The following SNCAIP variants were observed in gnomAD, a reference collection of about 807,000 sequenced individuals.
SNCAIP encodes the protein synphilin-1.
A neutral mutation model predicts 86.7 loss-of-function variants in SNCAIP; 43 were observed. The observed-to-expected ratio is 0.50, with a 90% CI of 0.39 to 0.64. The LOEUF is 0.64. SNCAIP is among the 30% of genes least tolerant of loss of function. SNCAIP has a pLI of 0.00. For missense variants in SNCAIP, 981 were observed against 1,103.1 expected, an observed-to-expected ratio of 0.89 and a Z score of 1.57; for synonymous variants, 417 against 427.2, an observed-to-expected ratio of 0.98 and a Z score of 0.29.
chr5:122,403,859 A>G lies in SNCAIP; in HGVS notation c.124A>G (p.Arg42Gly). 2 of 1,613,180 alleles carry G rather than the reference A, an allele frequency of 1.2e-6. No homozygotes were observed. The highest frequency in any genetic ancestry group is 1.7e-6 in the Non-Finnish European group (2 of 1,179,138). ...AAGATGTGATACGCAAAACGAAGAC[A>G]GATCAGGTAGGTTTTGCTCCTCCCC... Reference protein sequence around the residue: ...CRRCDTQNEDRSVSSSSWNCG... With the variant: ...CRRCDTQNEDGSVSSSSWNCG... Residue 42 changes from arginine to glycine, a missense_variant, in exon 3 of 11, where the codon AGA becomes GGA. Coordinates refer to ENST00000261368, the MANE Select transcript of SNCAIP (RefSeq NM_005460.4).
intron 1 of SNCAIP, among the ~76,000 whole-genome samples, chr5:122,383,218 G>C (rs545087013): frequency 1.0e-3 from 153 of 152,334 alleles, no homozygotes; most frequent in South Asian, 2.1e-3. Flanking sequence ...GACCCTCCGA[G>C]CCAGGTGCGG....
intron 1 of SNCAIP, among the ~76,000 whole-genome samples, chr5:122,364,683 C>T (rs1762809070): frequency 6.6e-6 from 1 of 152,124 alleles, no homozygotes; most frequent in African/African-American, 2.4e-5. Flanking sequence ...CAATTTGAGG[C>T]CAAGTTGCTT....
At position 122,451,201 on chromosome 5, in the gene SNCAIP, G is replaced by T; in HGVS notation, c.2354G>T (p.Ser785Ile). The T allele has an allele frequency of 6.2e-7, 1 of 1,614,142 alleles. No homozygotes were observed. The highest frequency in any genetic ancestry group is 2.2e-5 in the East Asian group (1 of 44,876). Residue 785 changes from serine to isoleucine, a missense_variant, in exon 10 of 11, where the codon AGT becomes ATT. By Grantham distance (142) the Ser-to-Ile change is moderately radical. Coordinates refer to ENST00000261368, the MANE Select transcript of SNCAIP (RefSeq NM_005460.4). ...GACCCTCAGCAGCCCAGCCCTGACA[G>T]TACTGCTGCCCAGAAAGTTGCCACA... ...SGDPQQPSPDSTAAQKVATSP... is the reference protein window; with the variant it reads ...SGDPQQPSPDITAAQKVATSP...
chr5:122,330,954 T>A (rs1223398556), intron 1 of SNCAIP, among the ~76,000 whole-genome samples: 1 of 150,446 alleles, frequency 6.6e-6, no homozygotes, highest in African/African-American at 2.5e-5. Context: ...CAGTGAGAGA[T>A]CATCAGACAT....
intron 1 of SNCAIP, among the ~76,000 whole-genome samples, chr5:122,363,014 G>C (rs901886165): frequency 3.1e-4 from 15 of 47,690 alleles, no homozygotes; most frequent in Non-Finnish European, 5.1e-4. Flanking sequence ...TTTTTTTTTT[G>C]AGATGGAGTT....
intron 10 of SNCAIP, among the ~76,000 whole-genome samples, chr5:122,460,457 G>C (rs1037121191): frequency 2.0e-5 from 3 of 152,084 alleles, no homozygotes; most frequent in African/African-American, 7.2e-5. Flanking sequence ...AATGTGTCTA[G>C]CTCCATTTTA....
intron 1 of SNCAIP, among the ~76,000 whole-genome samples, chr5:122,336,079 G>A (rs1756382582): frequency 6.6e-6 from 1 of 151,936 alleles, no homozygotes; most frequent in Non-Finnish European, 1.5e-5. Context: ...ATTACAGAGG[G>A]AGGCCTTCTT....
chr5:122,402,557 T>C (rs1292735100), intron 2 of SNCAIP, among the ~76,000 whole-genome samples: 1 of 151,928 alleles, frequency 6.6e-6, no homozygotes, highest in African/African-American at 2.4e-5. Context: ...GTTTGTGACA[T>C]GCGGTTGGCA....
At position 122,332,701 on chromosome 5, in the gene SNCAIP, T is replaced by C. The variant is rs368512674; in HGVS notation, c.-47+20417T>C. 2.0e-5 allele frequency among the ~76,000 whole-genome samples: 3 copies of C among 152,184 alleles called. No individual in the cohort carries two copies. In the South Asian group the frequency reaches 6.2e-4, roughly 32 times the overall value. Reference sequence around the variant, plus strand: ...GGCACTGGAAGGAAAACCATTCTGATGCCATTTTAATTTTCCTTTCCCTAG... The same window carrying C: ...GGCACTGGAAGGAAAACCATTCTGACGCCATTTTAATTTTCCTTTCCCTAG... On this transcript the variant is annotated intron_variant, in intron 1 of 10. Transcript: ENST00000261368.
chr5:122,383,315 C>A (rs531043520), intron 1 of SNCAIP, among the ~76,000 whole-genome samples: 1 of 152,286 alleles, frequency 6.6e-6, no homozygotes, highest in African/African-American at 2.4e-5. Flanking sequence ...CAGGTGCGTC[C>A]GTCACCCCTT....
chr5:122,447,479 C>G (rs1428545932), intron 8 of SNCAIP, among the ~76,000 whole-genome samples: 2 of 144,146 alleles, frequency 1.4e-5, no homozygotes, highest in African/African-American at 5.1e-5. Context: ...AGTTGTCAGT[C>G]AACCCAATTA....
At chr5:122,457,386 A>G (rs1375354478) in intron 10 of SNCAIP, among the ~76,000 whole-genome samples, 1 of 152,072 alleles carries the variant, frequency 6.6e-6, no homozygotes, top group African/African-American at 2.4e-5. Flanking sequence ...TGCATGCCCA[A>G]TGAGCAAAAG....
chr5:122,313,191 T>G (rs1750995314), intron 1 of SNCAIP, among the ~76,000 whole-genome samples: 2 of 152,238 alleles, frequency 1.3e-5, no homozygotes, highest in Non-Finnish European at 2.9e-5. Flanking sequence ...GTTGCTTTCC[T>G]TGGGAAAGTT....
rs570132454 is a variant in SNCAIP at position 122,350,040 on chromosome 5, G to C, written c.-47+37756G>C. ...ACCCAGCAAGTTCTTATGAAGTTAG[G>C]GAATAATGGAAAAGGACATAATGGT... is the stretch of plus-strand genomic sequence containing the variant. On this transcript the variant is annotated intron_variant, in intron 1 of 10. Coordinates refer to ENST00000261368, the MANE Select transcript of SNCAIP (RefSeq NM_005460.4). Among the ~76,000 whole-genome samples the C allele has an allele frequency of 3.9e-5, 6 of 152,208 alleles. No homozygotes were observed. In the South Asian group the frequency reaches 1.2e-3, roughly 32 times the overall value.
At chr5:122,401,025 T>A (rs577029874) in intron 2 of SNCAIP, 1 of 1,550,200 alleles carries the variant, frequency 6.5e-7, no homozygotes, top group East Asian at 2.4e-5. Context: ...AAAGCTTGGA[T>A]TGGAGGACAC....
intron 1 of SNCAIP, among the ~76,000 whole-genome samples, chr5:122,325,769 C>T (rs1753884547): frequency 6.6e-6 from 1 of 152,094 alleles, no homozygotes; most frequent in Non-Finnish European, 1.5e-5. Flanking sequence ...AAAGTATTCG[C>T]AATATTTTTG....
chr5:122,354,935 T>G (rs1456218838), intron 1 of SNCAIP, among the ~76,000 whole-genome samples: 1 of 152,202 alleles, frequency 6.6e-6, no homozygotes, highest in Non-Finnish European at 1.5e-5. Flanking sequence ...AATATGTTTG[T>G]TTTTCTAGGC....
intron 1 of SNCAIP, among the ~76,000 whole-genome samples, chr5:122,313,291 A>G (rs1397210240): frequency 6.6e-6 from 1 of 152,214 alleles, no homozygotes; most frequent in Non-Finnish European, 1.5e-5. Flanking sequence ...GTGCCCATCA[A>G]AGAGCCCGGA....
chr5:122,442,110 C>T (rs941465230), intron 7 of SNCAIP, among the ~76,000 whole-genome samples: 5 of 77,746 alleles, frequency 6.4e-5, no homozygotes, highest in Admixed American at 3.1e-4. Flanking sequence ...GAAAGCAGTA[C>T]TCTTTTTTTT....
Sources: allele counts gnomAD v4.1 joint callset (sites outside exome capture counted in the v4.1 genomes callset), GRCh38; gene constraint gnomAD v4.1.1; transcripts MANE v1.5; gene names NCBI Gene and HGNC (gene_info 2026-07-23, HGNC 2026-07-21).